PKN2: variants seen among roughly 807,000 people sequenced by gnomAD.
PKN2 encodes the protein protein kinase N2.
PKN2 carries 38 observed loss-of-function variants against 119.1 expected under a neutral mutation model. That is an observed-to-expected ratio of 0.32 (90% CI 0.25 to 0.42). PKN2 has a LOEUF of 0.42. PKN2 is among the 10% of genes least tolerant of loss of function. PKN2 has a pLI of 1.00. For synonymous variants in PKN2, 390 were observed against 384.9 expected (o/e 1.01, Z -0.15); for missense variants, 850 against 1,165.1 (o/e 0.73, Z 3.94).
intron 1 of PKN2, among the ~76,000 whole-genome samples, chr1:88,717,776 C>T (rs1667513652): frequency 6.6e-6 from 1 of 152,078 alleles, no homozygotes; most frequent in African/African-American, 2.4e-5. Flanking sequence ...TATTACCGAT[C>T]TTCCGAAGCC....
chr1:88,769,106 G>A (rs1669782002), intron 3 of PKN2, among the ~76,000 whole-genome samples: 2 of 152,126 alleles, frequency 1.3e-5, no homozygotes, highest in African/African-American at 2.4e-5. Context: ...AGTAGGCCTC[G>A]CTTCAGACAC....
In PKN2 at chr1:88,815,364, A is replaced by C. The variant is rs151203792; in HGVS notation, c.2279+1631A>C. 15 of 270,046 alleles carry C rather than the reference A, an allele frequency of 5.6e-5. 2 individuals carry two copies. Among genetic ancestry groups the C allele is most frequent in the African/African-American group, 2.6e-4 (11 of 42,838 alleles). 16.7% of individuals were successfully genotyped at this position (270,046 alleles called of 1,614,324 possible). A position where few individuals can be genotyped will look rare whatever the true frequency, so the allele number is the denominator to read the frequency against. ...GATCAAAGGTCATTTCTTTAAAGGT[A>C]ATTTTCTGAGTTCCCTAGCTAAAAT... is the stretch of plus-strand genomic sequence containing the variant. On this transcript the variant is annotated intron_variant, in intron 16 of 21. Coordinates refer to ENST00000370521, the MANE Select transcript of PKN2 (RefSeq NM_006256.4).
rs1347287639 is a variant in PKN2, at chr1:88,777,172, T to C, written c.985+5293T>C. Among the ~76,000 whole-genome samples, 4 of 152,186 alleles carry C rather than the reference T, an allele frequency of 2.6e-5. 1 individual carries two copies. The highest frequency in any genetic ancestry group is 2.0e-4 in the Admixed American group (3 of 15,282). On this transcript the variant is annotated intron_variant, in intron 6 of 21. Transcript: ENST00000370521. ...TTGGCTCACTTTTTCTTCTGCCTGCTCAAATCTTGTATTGAACCTCTCTAG... is the reference window on the plus strand; with the variant it reads ...TTGGCTCACTTTTTCTTCTGCCTGCCCAAATCTTGTATTGAACCTCTCTAG...
Position 88,684,480 on chromosome 1 carries a change from T to A in PKN2, c.-101T>A. On this transcript the variant is annotated 5_prime_UTR_variant, in exon 1 of 22. Transcript: ENST00000370521. ...GAATCCCTAGTTGTTTTTTTTTTTTTCTTTCTCTCCCCTCTCCTCACCCCC... is the reference window on the plus strand; with the variant it reads ...GAATCCCTAGTTGTTTTTTTTTTTTACTTTCTCTCCCCTCTCCTCACCCCC... 1.0e-6 allele frequency: 1 copy of A among 961,700 alleles called. No individual in the cohort carries two copies. The highest frequency in any genetic ancestry group is 1.5e-6 in the Non-Finnish European group (1 of 668,084). 59.6% of individuals were successfully genotyped at this position (961,700 alleles called of 1,614,324 possible).
intron 16 of PKN2, among the ~76,000 whole-genome samples, chr1:88,820,027 G>T (rs1451225362): frequency 6.6e-6 from 1 of 151,538 alleles, no homozygotes; most frequent in African/African-American, 2.4e-5. Flanking sequence ...AGCATTAGGA[G>T]AAATACCTAA....
intron 8 of PKN2, among the ~76,000 whole-genome samples, chr1:88,799,043 A>G (rs945502855): frequency 6.6e-6 from 1 of 152,176 alleles, no homozygotes; most frequent in Non-Finnish European, 1.5e-5. Flanking sequence ...TAGAAGCTAT[A>G]TATGTAAAGA....
chr1:88,714,141 A>G (rs1259847019), intron 1 of PKN2, among the ~76,000 whole-genome samples: 1 of 151,996 alleles, frequency 6.6e-6, no homozygotes, highest in African/African-American at 2.4e-5. Flanking sequence ...ATTTGTCTAT[A>G]TCTCTGTTTT....
intron 1 of PKN2, among the ~76,000 whole-genome samples, chr1:88,735,017 C>G (rs1343329230): frequency 6.6e-6 from 1 of 152,160 alleles, no homozygotes; most frequent in East Asian, 1.9e-4. Flanking sequence ...ATTAAAGATA[C>G]AAGTGCTTTA....
chr1:88,745,056 C>A (rs1415539324), intron 2 of PKN2, among the ~76,000 whole-genome samples: 1 of 152,104 alleles, frequency 6.6e-6, no homozygotes, highest in Non-Finnish European at 1.5e-5. Flanking sequence ...TAAGAAAATT[C>A]AACATTTTTT....
intron 2 of PKN2, among the ~76,000 whole-genome samples, chr1:88,744,004 TAAA>T (rs1244258485): frequency 6.6e-6 from 1 of 152,136 alleles, no homozygotes; most frequent in Admixed American, 6.5e-5. Context: ...TTTATTTTAT[TAAA>T]AAAATTCTGT....
At chr1:88,761,160 A>G (rs938241547) in intron 3 of PKN2, among the ~76,000 whole-genome samples, 6 of 152,148 alleles carry the variant, frequency 3.9e-5, no homozygotes, top group African/African-American at 1.4e-4. Flanking sequence ...GTTGTTAGGT[A>G]TAATGCAGCA....
Position 88,801,608 on chromosome 1 carries a change from T to G in PKN2, c.1282-2783T>G, listed in dbSNP as rs180693896. On this transcript the variant is annotated intron_variant, in intron 8 of 21. Coordinates refer to ENST00000370521, the MANE Select transcript of PKN2 (RefSeq NM_006256.4). ...CACAGCCCCACCCTCCCACTTATGTTGTGAAGAAAGTAACGCTCACTGGGA... is the reference window on the plus strand; with the variant it reads ...CACAGCCCCACCCTCCCACTTATGTGGTGAAGAAAGTAACGCTCACTGGGA... Among the ~76,000 whole-genome samples the G allele has an allele frequency of 1.2e-3, 178 of 152,284 alleles. 1 individual carries two copies. Among genetic ancestry groups the G allele is most frequent in the African/African-American group, 4.1e-3 (172 of 41,558 alleles).
intron 7 of PKN2, among the ~76,000 whole-genome samples, chr1:88,785,763 A>G (rs977068609): frequency 2.6e-5 from 4 of 152,244 alleles, no homozygotes; most frequent in African/African-American, 9.6e-5. Flanking sequence ...GTTTAAGGAA[A>G]CAAGCTCTAT....
chr1:88,703,485 A>G (rs1024149467), intron 1 of PKN2, among the ~76,000 whole-genome samples: 3 of 152,200 alleles, frequency 2.0e-5, no homozygotes, highest in East Asian at 1.9e-4. Flanking sequence ...TTACTTGCCT[A>G]TGTTACAAAG....
intron 2 of PKN2, among the ~76,000 whole-genome samples, chr1:88,743,058 C>T (rs931639624): frequency 2.0e-5 from 3 of 152,044 alleles, no homozygotes; most frequent in Admixed American, 6.6e-5. Flanking sequence ...GACGTGGTGG[C>T]GTGTGCCTGT....
intron 2 of PKN2, among the ~76,000 whole-genome samples, chr1:88,750,123 A>G (rs1668930001): frequency 6.6e-6 from 1 of 152,204 alleles, no homozygotes; most frequent in African/African-American, 2.4e-5. Context: ...TGTTTTGTGA[A>G]CATGGTATTT....
At chr1:88,742,719 T>A (rs1668623198) in intron 2 of PKN2, among the ~76,000 whole-genome samples, 1 of 152,168 alleles carries the variant, frequency 6.6e-6, no homozygotes, top group African/African-American at 2.4e-5. Flanking sequence ...TACATTTTTT[T>A]TTTTGCCTGT....
At chr1:88,708,281 T>C (rs1667081618) in intron 1 of PKN2, among the ~76,000 whole-genome samples, 1 of 152,160 alleles carries the variant, frequency 6.6e-6, no homozygotes, top group African/African-American at 2.4e-5. Context: ...ATTAACTGGT[T>C]CTCTATAGGT....
intron 2 of PKN2, among the ~76,000 whole-genome samples, chr1:88,754,788 GGCTTA>G (rs1173278880): frequency 6.6e-6 from 1 of 152,076 alleles, no homozygotes; most frequent in African/African-American, 2.4e-5. Context: ...CAACTTTATG[GGCTTA>G]ACTCTAGTGC....
Sources: allele counts gnomAD v4.1 joint callset (sites outside exome capture counted in the v4.1 genomes callset), GRCh38; gene constraint gnomAD v4.1.1; transcripts MANE v1.5; gene names NCBI Gene and HGNC (gene_info 2026-07-23, HGNC 2026-07-21).